CCSER1: variants seen among roughly 807,000 people sequenced by gnomAD.
CCSER1 encodes the protein coiled-coil serine rich protein 1.
In CCSER1, 41 loss-of-function variants were observed where a neutral mutation model predicts 82.0. The observed-to-expected ratio is 0.50, with a 90% CI of 0.39 to 0.65. The LOEUF (loss-of-function observed/expected upper bound fraction) is 0.65, where lower values mean the gene tolerates loss of function less well. Ranked by LOEUF, CCSER1 falls within the 30% of genes least tolerant of loss-of-function variation. The pLI, the probability that CCSER1 is intolerant of heterozygous loss-of-function variation, is 0.00. For missense variants in CCSER1, 1,119 were observed against 1,064.2 expected (o/e 1.05, Z -0.72); for synonymous variants, 414 against 383.9 (o/e 1.08, Z -0.92).
At chr4:91,438,702 T>A (rs1754867072) in intron 10 of CCSER1, among the ~76,000 whole-genome samples, 2 of 136,894 alleles carry the variant, frequency 1.5e-5, no homozygotes, top group South Asian at 5.1e-4. Flanking sequence ...AGGAGGAAAT[T>A]CAAACCAAAG....
At chr4:91,125,676 C>T (rs1172228936) in intron 10 of CCSER1, among the ~76,000 whole-genome samples, 2 of 151,282 alleles carry the variant, frequency 1.3e-5, no homozygotes, top group African/African-American at 2.4e-5. Context: ...GGAGATTCAT[C>T]CAAAATAGGC....
At chr4:91,363,618 T>A (rs907144541) in intron 10 of CCSER1, among the ~76,000 whole-genome samples, 1 of 151,752 alleles carries the variant, frequency 6.6e-6, no homozygotes, top group East Asian at 1.9e-4. Flanking sequence ...CATAGCAGTG[T>A]ATGTCAAATA....
intron 1 of CCSER1, among the ~76,000 whole-genome samples, chr4:90,287,671 T>C (rs1467067594): frequency 6.6e-6 from 1 of 151,974 alleles, no homozygotes; most frequent in Non-Finnish European, 1.5e-5. Flanking sequence ...ATTAGACGTT[T>C]TCCATTTTTT....
intron 8 of CCSER1, among the ~76,000 whole-genome samples, chr4:90,850,113 C>T (rs867822969): frequency 2.0e-5 from 3 of 152,308 alleles, no homozygotes; most frequent in Admixed American, 6.5e-5. Flanking sequence ...AGGGTTCAAG[C>T]CCCAAACCTT....
At chr4:90,838,915 T>A (rs1580719330) in intron 8 of CCSER1, 1 of 1,613,318 alleles carries the variant, frequency 6.2e-7, no homozygotes. Flanking sequence ...ACGATTCGCC[T>A]GCTTGCTTCT....
intron 9 of CCSER1, among the ~76,000 whole-genome samples, chr4:91,063,729 A>G (rs1215505511): frequency 6.6e-6 from 1 of 152,174 alleles, no homozygotes; most frequent in East Asian, 1.9e-4. Flanking sequence ...CCTAAAATCT[A>G]CAATTAGAAT....
chr4:90,162,584 A>G (rs960104560), intron 1 of CCSER1, among the ~76,000 whole-genome samples: 33 of 152,058 alleles, frequency 2.2e-4, no homozygotes, highest in Non-Finnish European at 4.6e-4. Flanking sequence ...CCTAAACAGT[A>G]TTATAGAAGT....
At chr4:90,621,260 T>A (rs1285853462) in intron 5 of CCSER1, among the ~76,000 whole-genome samples, 2 of 152,110 alleles carry the variant, frequency 1.3e-5, no homozygotes, top group South Asian at 2.1e-4. Context: ...AGGGAGGAAA[T>A]GTTTTCCTGA....
intron 10 of CCSER1, among the ~76,000 whole-genome samples, chr4:91,406,160 G>T (rs1358560452): frequency 2.0e-5 from 3 of 152,152 alleles, no homozygotes; most frequent in Non-Finnish European, 4.4e-5. Context: ...CCATAAGTGT[G>T]CTGTATTCAG....
At chr4:91,038,068 GAT>G (rs2150571101) in intron 9 of CCSER1, among the ~76,000 whole-genome samples, 1 of 152,128 alleles carries the variant, frequency 6.6e-6, no homozygotes, top group East Asian at 1.9e-4. Context: ...ATATCATAGA[GAT>G]AACGTCAATT....
At chr4:91,316,100 C>T (rs746755296) in intron 10 of CCSER1, among the ~76,000 whole-genome samples, 16 of 152,072 alleles carry the variant, frequency 1.1e-4, no homozygotes, top group South Asian at 4.1e-4. Flanking sequence ...CCATGTAGGA[C>T]GTAACTTTGT....
At position 90,599,927 on chromosome 4, in the gene CCSER1, A is replaced by G. The variant is rs974371767; in HGVS notation, c.1725-28098A>G. 2.6e-5 allele frequency among the ~76,000 whole-genome samples: 4 copies of G among 152,320 alleles called. No individual in the cohort carries two copies. In the East Asian group the frequency reaches 7.7e-4, roughly 29 times the overall value. On this transcript the variant is annotated intron_variant, in intron 5 of 10. Transcript: ENST00000509176. Reference sequence around the variant, plus strand: ...ACTGCTTAGTTTTCTGTCACTAAACACTAATTAGCATTTCTTAGAACTTTA... The same window carrying G: ...ACTGCTTAGTTTTCTGTCACTAAACGCTAATTAGCATTTCTTAGAACTTTA...
intron 6 of CCSER1, among the ~76,000 whole-genome samples, chr4:90,699,419 C>G (rs1737600624): frequency 6.6e-6 from 1 of 152,120 alleles, no homozygotes; most frequent in Admixed American, 6.5e-5. Flanking sequence ...GAGTCAGGAT[C>G]AAGCAATGTT....
At chr4:90,738,405 G>T (rs1283074835) in intron 7 of CCSER1, among the ~76,000 whole-genome samples, 1 of 152,040 alleles carries the variant, frequency 6.6e-6, no homozygotes, top group East Asian at 1.9e-4. Flanking sequence ...CTAGGGTCAG[G>T]CGAATTTTTT....
At chr4:90,570,400 G>A (rs548375512) in intron 5 of CCSER1, among the ~76,000 whole-genome samples, 260 of 152,174 alleles carry the variant, frequency 1.7e-3, no homozygotes, top group Middle Eastern at 3.4e-3. Flanking sequence ...TGGGCTGTGG[G>A]CACTACACTA....
chr4:91,011,024 G>C lies in CCSER1; in HGVS notation c.2173-74926G>C, dbSNP rs1380347781. ...GTCTCCATGTTGATGTCTGAATCAG[G>C]TCTGGAAATTACTTCTTCCAAATTT... is the stretch of plus-strand genomic sequence containing the variant. On this transcript the variant is annotated intron_variant, in intron 9 of 10. Transcript: ENST00000509176. Among the ~76,000 whole-genome samples the C allele has an allele frequency of 3.7e-5, 5 of 134,342 alleles. 2 individuals carry two copies. 88.1% of individuals were successfully genotyped at this position (134,342 alleles called of 152,430 possible). A position where few individuals can be genotyped will look rare whatever the true frequency, so the allele number is the denominator to read the frequency against.
intron 5 of CCSER1, among the ~76,000 whole-genome samples, chr4:90,469,019 AC>A (rs1560567001): frequency 6.6e-6 from 1 of 151,996 alleles, no homozygotes; most frequent in Non-Finnish European, 1.5e-5. Context: ...AAAGGAAAAA[AC>A]CTGCTGAGTA....
intron 10 of CCSER1, among the ~76,000 whole-genome samples, chr4:91,220,519 A>G (rs1167266136): frequency 2.0e-5 from 3 of 152,224 alleles, no homozygotes; most frequent in Admixed American, 2.0e-4. Flanking sequence ...TCTGTGTCAA[A>G]AAGAGTGACA....
intron 10 of CCSER1, among the ~76,000 whole-genome samples, chr4:91,460,509 C>A (rs1475735678): frequency 2.0e-5 from 3 of 151,988 alleles, no homozygotes; most frequent in Non-Finnish European, 2.9e-5. Flanking sequence ...AGAAGAGAAA[C>A]AATTTTTGTG....
Sources: allele counts gnomAD v4.1 joint callset (sites outside exome capture counted in the v4.1 genomes callset), GRCh38; gene constraint gnomAD v4.1.1; transcripts MANE v1.5; gene names NCBI Gene and HGNC (gene_info 2026-07-23, HGNC 2026-07-21).